Variants in KIF21B observed in about 807,000 individuals in gnomAD.
KIF21B encodes the protein kinesin-like protein KIF21B.
Under a neutral mutation model 192.9 loss-of-function variants are expected in KIF21B, and 85 were observed. The observed-to-expected ratio is 0.44, with a 90% CI of 0.37 to 0.53. KIF21B has a LOEUF of 0.53. Ranked by LOEUF, KIF21B falls within the 20% of genes least tolerant of loss-of-function variation. The pLI, the probability that KIF21B is intolerant of heterozygous loss-of-function variation, is 0.00. For synonymous variants in KIF21B, 832 were observed against 884.6 expected (o/e 0.94, Z 1.05); for missense variants, 1,716 against 2,194.8 (o/e 0.78, Z 4.36).
chr1:201,008,779 T>G lies in KIF21B; in HGVS notation c.437A>C (p.Gln146Pro). ...ATGGGGCCACAGTACCTCCAGAAAC[T>G]GGGCGCTGACTTTGAACTCAGGTCC... ...VAGPEFKVSA[Q>P]FLELYNEEIL... Residue 146 changes from glutamine (Q) to proline (P), a missense_variant, in exon 3 of 35, where the codon CAG (glutamine) becomes CCG (proline). Gln to Pro is a moderately conservative substitution (Grantham distance 76). Around this residue, in one of 3 missense-constraint regions of KIF21B, gnomAD observed 1,087 missense variants for 1,316.6 expected, o/e 0.83. Coordinates refer to ENST00000461742, the MANE Select transcript of KIF21B (RefSeq NM_001252102.2). The G allele has an allele frequency of 6.3e-7, 1 of 1,599,118 alleles. No homozygotes were observed. Among genetic ancestry groups the G allele is most frequent in the Non-Finnish European group, 8.5e-7 (1 of 1,178,330 alleles).
In KIF21B at chr1:201,000,577, C is replaced by A. The variant is rs1168380341; in HGVS notation, c.1498G>T (p.Glu500Ter). 6.2e-7 allele frequency: 1 copy of A among 1,613,274 alleles called. No individual in the cohort carries two copies. Among genetic ancestry groups the A allele is most frequent in the African/African-American group, 1.3e-5 (1 of 74,936 alleles). The change falls in exon 11 of 35, where the codon GAG becomes TAG. Residue 500 changes from glutamate to a stop codon, truncating the protein, a stop_gained. Coordinates refer to ENST00000461742, the MANE Select transcript of KIF21B (RefSeq NM_001252102.2). LOFTEE classifies it high-confidence loss of function. This position sits in a 1 kb window ranked among gnomAD's most constrained non-coding sequence, Gnocchi z 6.0. ...TKLLESEAMN[E>*]SLRRSLSRAS... ...CGTGAGAGGCTGCGGCGCAGGGACT[C>A]GTTCATGGCTTCACTCTCTAGAAGC...
chr1:201,005,747 T>G (rs1657781079), intron 3 of KIF21B, 53 bp from the exon 4 acceptor site: 10 of 1,577,920 alleles, frequency 6.3e-6, no homozygotes, highest in Non-Finnish European at 7.8e-6. Context: ...GGGCCCCAGG[T>G]GGCTGCCACA....
Position 201,004,438 on chromosome 1 carries a change from C to G in KIF21B, c.918G>C (p.Val306=), listed in dbSNP as rs1330654386. Residue 306 remains valine, a synonymous_variant, in exon 7 of 35, where the codon GTG becomes GTC. Coordinates refer to ENST00000461742, the MANE Select transcript of KIF21B (RefSeq NM_001252102.2). ...INCGLLALGN[V]ISALGDQSKK... ...TGCTCTGGTCCCCTAAGGCGCTGAT[C>G]ACATTGCCCAAGGCCAGCTGTGGGA... The G allele has an allele frequency of 1.3e-6, 2 of 1,575,724 alleles. No individual in the cohort carries two copies. The highest frequency in any genetic ancestry group is 1.7e-6 in the Non-Finnish European group (2 of 1,159,758).
In KIF21B at chr1:201,002,244, G is replaced by A; in HGVS notation, c.1319C>T (p.Ala440Val). 1.2e-6 allele frequency: 2 copies of A among 1,614,196 alleles called. No individual in the cohort carries two copies. Among genetic ancestry groups the A allele is most frequent in the Non-Finnish European group, 1.7e-6 (2 of 1,180,016 alleles). Residue 440 changes from alanine to valine, a missense_variant, in exon 9 of 35, where the codon GCC (alanine) becomes GTC (valine). Ala to Val is a moderately conservative substitution (Grantham distance 64). Coordinates refer to ENST00000461742, the MANE Select transcript of KIF21B (RefSeq NM_001252102.2). ...ENGALRLRVK[A>V]MQEAIDAINN... ...GATGGCATCGATGGCCTCCTGCATG[G>A]CTTTCACCCGCAGCCGCAGGGCCCC...
At chr1:201,012,312 C>A (rs1025709955) in intron 1 of KIF21B, among the ~76,000 whole-genome samples, 2 of 152,152 alleles carry the variant, frequency 1.3e-5, no homozygotes, top group African/African-American at 4.8e-5. Flanking sequence ...GTTGAGTCAC[C>A]AATTCCCCAA....
intron 15 of KIF21B, among the ~76,000 whole-genome samples, chr1:200,993,400 G>A (rs546304539): frequency 1.3e-5 from 2 of 152,262 alleles, no homozygotes; most frequent in South Asian, 2.1e-4. Flanking sequence ...CAGAAGCCTC[G>A]AACATCACCA....
At chr1:201,020,363 C>T (rs1485739420) in intron 1 of KIF21B, among the ~76,000 whole-genome samples, 2 of 152,210 alleles carry the variant, frequency 1.3e-5, no homozygotes, top group African/African-American at 2.4e-5. Flanking sequence ...GTCACAGCTC[C>T]GCCCCACCTC....
In KIF21B at chr1:200,998,837, C is replaced by T. The variant is rs563232763; in HGVS notation, c.1886-262G>A. Reference sequence around the variant, plus strand: ...ACACGTCCTTCCCAGCCATTCGAGGCCAGCATCCACCTGTTCCAGATGACA... The same window carrying T: ...ACACGTCCTTCCCAGCCATTCGAGGTCAGCATCCACCTGTTCCAGATGACA... On this transcript the variant is annotated intron_variant, in intron 13 of 34. Coordinates refer to ENST00000461742, the MANE Select transcript of KIF21B (RefSeq NM_001252102.2). This position sits in a 1 kb window ranked among gnomAD's most constrained non-coding sequence, Gnocchi z 4.3. 1.3e-5 allele frequency among the ~76,000 whole-genome samples: 2 copies of T among 152,238 alleles called. No homozygotes were observed. Among genetic ancestry groups the T allele is most frequent in the African/African-American group, 4.8e-5 (2 of 41,554 alleles).
chr1:200,974,065 G>C, intron 34 of KIF21B: 1 of 1,608,570 alleles, frequency 6.2e-7, no homozygotes, highest in Non-Finnish European at 8.5e-7. Context: ...GGGGAAGAAT[G>C]AAAGAGGAGA....
In KIF21B at chr1:200,992,991, G is replaced by A. The variant is rs147061418; in HGVS notation, c.2278-602C>T. 7.0e-3 allele frequency among the ~76,000 whole-genome samples: 1,067 copies of A among 152,334 alleles called. 19 individuals are homozygous for A. Among genetic ancestry groups the A allele is most frequent in the African/African-American group, 0.025 (1,029 of 41,566 alleles). ...ACTTAAAGTCATAAAACTAGTAATG[G>A]ATGGCCATATTCCGAAAACAAATCA... On this transcript the variant is annotated intron_variant, in intron 15 of 34. Transcript: ENST00000461742.
intron 1 of KIF21B, among the ~76,000 whole-genome samples, chr1:201,015,603 G>A (rs1246656649): frequency 6.6e-6 from 1 of 152,218 alleles, no homozygotes; most frequent in Non-Finnish European, 1.5e-5. Context: ...CTCAGCCTGG[G>A]CAGTGGGGCA....
intron 30 of KIF21B, among the ~76,000 whole-genome samples, chr1:200,978,114 A>T (rs1655680405): frequency 6.7e-6 from 1 of 149,084 alleles, no homozygotes; most frequent in Non-Finnish European, 1.5e-5. Flanking sequence ...CAATGGTGTG[A>T]TCTCGGCTCA....
At chr1:200,983,141 C>T in intron 27 of KIF21B, 47 bp from the exon 28 acceptor site, 4 of 1,495,376 alleles carry the variant, frequency 2.7e-6, no homozygotes, top group Non-Finnish European at 2.7e-6. Context: ...AGAGGAGACA[C>T]ACACAGAGGG....
Position 200,971,169 on chromosome 1 carries a change from A to G in KIF21B, c.*2352T>C, listed in dbSNP as rs1226772486. 2.6e-5 allele frequency: 4 copies of G among 152,908 alleles called. No individual in the cohort carries two copies. Among genetic ancestry groups the G allele is most frequent in the African/African-American group, 7.2e-5 (3 of 41,580 alleles). The allele number at this position is 152,908 out of a possible 1,614,324, so 9.5% of individuals were successfully genotyped here. A position where few individuals can be genotyped will look rare whatever the true frequency, so the allele number is the denominator to read the frequency against. On this transcript the variant is annotated 3_prime_UTR_variant, in exon 35 of 35. Transcript: ENST00000461742. ...AACATGGACCTTGGACATCCCTGAAAGAGTGGGCAGAGAATCCAACTCTCA... is the reference window on the plus strand; with the variant it reads ...AACATGGACCTTGGACATCCCTGAAGGAGTGGGCAGAGAATCCAACTCTCA...
chr1:200,990,937 G>T lies in KIF21B; in HGVS notation c.2667C>A (p.Val889=), dbSNP rs1349141571. 6.2e-7 allele frequency: 1 copy of T among 1,614,032 alleles called. No homozygotes were observed. The highest frequency in any genetic ancestry group is 8.5e-7 in the Non-Finnish European group (1 of 1,180,050). The change falls in exon 18 of 35, where the codon GTC becomes GTA. Residue 889 remains valine, a synonymous_variant. Transcript: ENST00000461742. This position sits in a 1 kb window ranked among gnomAD's most constrained non-coding sequence, Gnocchi z 5.4. ...CTTACCGGGCAGGACGGGTGCCATT[G>T]ACAGTGGGCGCAGGATGGTCCCCCA... ...HFLGDHPAPT[V]NGTRPARKKF... is the part of the protein sequence containing the mutation.
At chr1:201,016,109 A>C (rs1658485321) in intron 1 of KIF21B, among the ~76,000 whole-genome samples, 1 of 152,196 alleles carries the variant, frequency 6.6e-6, no homozygotes, top group Non-Finnish European at 1.5e-5. Flanking sequence ...AGCAGGTGAA[A>C]TTTAACAAGC....
At position 200,990,957 on chromosome 1, in the gene KIF21B, C is replaced by G; in HGVS notation, c.2647G>C (p.Asp883His). 6.2e-7 allele frequency: 1 copy of G among 1,614,132 alleles called. No homozygotes were observed. The highest frequency in any genetic ancestry group is 8.5e-7 in the Non-Finnish European group (1 of 1,180,042). The stretch of plus-strand genomic sequence containing the variant: ...CCATTGACAGTGGGCGCAGGATGGT[C>G]CCCCAAGAAGTGGTTGATTTTGCGG... ...WNRKINHFLGDHPAPTVNGTR... is the reference protein window; with the variant it reads ...WNRKINHFLGHHPAPTVNGTR... Residue 883 changes from aspartate (D) to histidine (H), a missense_variant, in exon 18 of 35, where the codon GAC becomes CAC. By Grantham distance (81) the Asp-to-His change is moderately conservative. Transcript: ENST00000461742. The surrounding 1 kb of genome is among the most constrained non-coding windows in gnomAD (Gnocchi z 5.4).
At chr1:201,001,851 C>T in intron 9 of KIF21B, 3 of 394,194 alleles carry the variant, frequency 7.6e-6, no homozygotes, top group South Asian at 7.4e-5. Flanking sequence ...GGAAAATACA[C>T]ACCAAGCTGC....
chr1:201,020,995 G>A (rs913035859), intron 1 of KIF21B, among the ~76,000 whole-genome samples: 1 of 152,258 alleles, frequency 6.6e-6, no homozygotes. Context: ...AACCTGGCAG[G>A]AGGTAGTGAG....
Sources: allele counts gnomAD v4.1 joint callset (sites outside exome capture counted in the v4.1 genomes callset), GRCh38; gene constraint gnomAD v4.1.1; regional missense constraint gnomAD v4.1.1; non-coding constraint Gnocchi (gnomAD v3.1); transcripts MANE v1.5; gene names NCBI Gene and HGNC (gene_info 2026-07-23, HGNC 2026-07-21).